TCF4: variants seen among roughly 807,000 people sequenced by gnomAD.
TCF4 encodes the protein SL3-3 enhancer factor 2.
A neutral mutation model predicts 82.1 loss-of-function variants in TCF4; 3 were observed. The observed-to-expected ratio is 0.04, with a 90% CI of 0.02 to 0.09. The LOEUF is 0.09. Among genes scored for constraint, TCF4 ranks in the 10% least tolerant of loss-of-function variants. The pLI is 1.00. For missense variants in TCF4, 518 were observed against 852.7 expected (o/e 0.61, Z 4.89); for synonymous variants, 276 against 309.6 (o/e 0.89, Z 1.14).
chr18:55,260,662 G>A (rs1359213683), intron 12 of TCF4, among the ~76,000 whole-genome samples: 1 of 152,092 alleles, frequency 6.6e-6, no homozygotes, highest in Non-Finnish European at 1.5e-5. Flanking sequence ...AGGTTCAAGC[G>A]ATTCTCCTGC....
chr18:55,622,753 C>T (rs936211795), intron 2 of TCF4, among the ~76,000 whole-genome samples: 4 of 152,028 alleles, frequency 2.6e-5, no homozygotes, highest in Non-Finnish European at 2.9e-5. Flanking sequence ...TGTTACCTCT[C>T]TTTCTCATTC....
intron 5 of TCF4, chr18:55,422,419 GTTT>G: frequency 1.0e-6 from 1 of 983,138 alleles, no homozygotes; most frequent in Non-Finnish European, 1.2e-6. Context: ...GGTTTGGGGG[GTTT>G]TTTTTAATAT....
At chr18:55,499,744 G>A (rs969278336) in intron 3 of TCF4, among the ~76,000 whole-genome samples, 1 of 152,110 alleles carries the variant, frequency 6.6e-6, no homozygotes, top group African/African-American at 2.4e-5. Context: ...ACTGTGAGGG[G>A]ACACAAATCA....
intron 3 of TCF4, among the ~76,000 whole-genome samples, chr18:55,484,645 A>G (rs2096490103): frequency 6.6e-6 from 1 of 152,192 alleles, no homozygotes; most frequent in Non-Finnish European, 1.5e-5. Flanking sequence ...TGGACAGAAC[A>G]TCTATTATAA....
intron 8 of TCF4, chr18:55,302,391 CACTTTGGGGAG>C: frequency 6.5e-7 from 1 of 1,535,680 alleles, no homozygotes. Context: ...CAGGATAGAC[CACTTTGGGGAG>C]ACTCTGACCT....
intron 3 of TCF4, chr18:55,553,424 G>A (rs1193179125): frequency 6.6e-6 from 1 of 152,136 alleles, no homozygotes; most frequent in African/African-American, 2.4e-5. Flanking sequence ...TTCCATCTGG[G>A]TATACAGAAG....
At chr18:55,631,051 G>GTTT (rs35757922) in intron 2 of TCF4, among the ~76,000 whole-genome samples, 82 of 142,324 alleles carry the variant, frequency 5.8e-4, no homozygotes, top group African/African-American at 2.0e-3. Flanking sequence ...AGAGCAATGG[G>GTTT]TTTTTTTTTT....
chr18:55,488,797 A>G (rs188990937), intron 3 of TCF4, among the ~76,000 whole-genome samples: 2 of 152,288 alleles, frequency 1.3e-5, no homozygotes, highest in Non-Finnish European at 2.9e-5. Context: ...GTCTCTTTGT[A>G]ATTCAGAAGT....
intron 2 of TCF4, among the ~76,000 whole-genome samples, chr18:55,629,537 T>C (rs2097729647): frequency 6.6e-6 from 1 of 152,158 alleles, no homozygotes; most frequent in Admixed American, 6.6e-5. Context: ...TACAACAAAC[T>C]TATTTCATAA....
intron 14 of TCF4, among the ~76,000 whole-genome samples, chr18:55,256,110 C>T (rs2056761884): frequency 6.6e-6 from 1 of 152,106 alleles, no homozygotes; most frequent in African/African-American, 2.4e-5. Flanking sequence ...ATACTTACTT[C>T]TGAGTGTAAA....
chr18:55,465,115 G>T (rs1402819295), intron 3 of TCF4, among the ~76,000 whole-genome samples: 2 of 152,086 alleles, frequency 1.3e-5, no homozygotes, highest in Non-Finnish European at 2.9e-5. Context: ...TTTTGATCAC[G>T]GCTGATAACA....
At chr18:55,568,562 T>C (rs1440977209) in intron 3 of TCF4, among the ~76,000 whole-genome samples, 2 of 151,844 alleles carry the variant, frequency 1.3e-5, no homozygotes, top group Non-Finnish European at 2.9e-5. Flanking sequence ...ATTGTTAAAG[T>C]ATCTGCAGAA....
rs115180458 is a variant in TCF4, at chr18:55,472,825, G to A, written c.146-8688C>T. ...TTAAATAAATGTGAAAATATTGCAA[G>A]GAAGTTTTTAAGTAGGTGTTTGGCA... On this transcript the variant is annotated intron_variant, in intron 3 of 19. Coordinates refer to ENST00000354452, the MANE Select transcript of TCF4 (RefSeq NM_001083962.2). Among the ~76,000 whole-genome samples the A allele has an allele frequency of 5.7e-3, 871 of 152,132 alleles. 8 individuals carry two copies. The highest frequency in any genetic ancestry group is 0.02 in the African/African-American group (827 of 41,504).
intron 3 of TCF4, among the ~76,000 whole-genome samples, chr18:55,528,205 T>C (rs1363172461): frequency 6.6e-6 from 1 of 152,194 alleles, no homozygotes; most frequent in Non-Finnish European, 1.5e-5. Flanking sequence ...CTGCACGATA[T>C]TCTCTGGACA....
chr18:55,467,058 A>G (rs182625855), intron 3 of TCF4, among the ~76,000 whole-genome samples: 1 of 152,286 alleles, frequency 6.6e-6, no homozygotes, highest in African/African-American at 2.4e-5. Context: ...CTGGATCTCA[A>G]GGATGAGGAC....
Position 55,496,896 on chromosome 18 carries a change from C to CAAA in TCF4, c.146-32762_146-32760dup, listed in dbSNP as rs60244407. On this transcript the variant is annotated intron_variant, in intron 3 of 19. Coordinates refer to ENST00000354452, the MANE Select transcript of TCF4 (RefSeq NM_001083962.2). Reference sequence around the variant, plus strand: ...AAACTGAACAAGAGCTGTAAAATTACAAAAAAAAAAAAAAAAAAAGTTTAA... The same window carrying CAAA: ...AAACTGAACAAGAGCTGTAAAATTACAAAAAAAAAAAAAAAAAAAAAAGTTTAA... 1.6e-3 allele frequency among the ~76,000 whole-genome samples: 173 copies of CAAA among 108,694 alleles called. 3 individuals are homozygous for CAAA. Among genetic ancestry groups the CAAA allele is most frequent in the Admixed American group, 4.4e-3 (44 of 9,896 alleles). The allele number at this position is 108,694 out of a possible 152,430, so 71.3% of individuals were successfully genotyped here.
chr18:55,225,770 A>G lies in TCF4; in HGVS notation c.*2265T>C, dbSNP rs1159113986. On this transcript the variant is annotated 3_prime_UTR_variant, in exon 20 of 20. Transcript: ENST00000354452. ...CTTTTCATGAAGTTTGATTTCTGCT[A>G]TTCTCCTAAGGTTTTAATCCACCTC... 1 of 152,570 alleles carries G rather than the reference A, an allele frequency of 6.6e-6. No individual in the cohort carries two copies. Among genetic ancestry groups the G allele is most frequent in the East Asian group, 1.9e-4 (1 of 5,192 alleles). The allele number at this position is 152,570 out of a possible 1,614,324, so 9.5% of individuals were successfully genotyped here. A position where few individuals can be genotyped will look rare whatever the true frequency, so the allele number is the denominator to read the frequency against.
chr18:55,322,555 T>C (rs1348028611), intron 8 of TCF4, among the ~76,000 whole-genome samples: 1 of 151,978 alleles, frequency 6.6e-6, no homozygotes, highest in Non-Finnish European at 1.5e-5. Flanking sequence ...AGAGTAGCAG[T>C]GCGGCCCGCC....
At chr18:55,622,666 G>A (rs752598693) in intron 2 of TCF4, among the ~76,000 whole-genome samples, 3 of 151,988 alleles carry the variant, frequency 2.0e-5, no homozygotes, top group East Asian at 1.9e-4. Context: ...CAAGTGATCC[G>A]CCCAAAGTCA....
Sources: allele counts gnomAD v4.1 joint callset (sites outside exome capture counted in the v4.1 genomes callset), GRCh38; gene constraint gnomAD v4.1.1; transcripts MANE v1.5; gene names NCBI Gene and HGNC (gene_info 2026-07-23, HGNC 2026-07-21).